The following KLF10 variants were observed in gnomAD, a reference collection of about 807,000 sequenced individuals.
KLF10 encodes KLF transcription factor 10.
In KLF10, 17 loss-of-function variants were observed where a neutral mutation model predicts 31.6. The observed-to-expected ratio is 0.54, with a 90% CI of 0.37 to 0.81. KLF10 has a LOEUF of 0.81. Among genes scored for constraint, KLF10 ranks in the 30% least tolerant of loss-of-function variants. The probability of loss-of-function intolerance (pLI) is 0.00; values close to 1 mark genes in which losing one functional copy is unlikely to be tolerated. For missense variants in KLF10, 525 were observed against 598.1 expected, an observed-to-expected ratio of 0.88 and a Z score of 1.27; for synonymous variants, 239 against 215.1, an observed-to-expected ratio of 1.11 and a Z score of -0.97.
At position 102,649,986 on chromosome 8, in the gene KLF10, C is replaced by A; in HGVS notation, c.*146G>T. 2 of 1,052,274 alleles carry A rather than the reference C, an allele frequency of 1.9e-6. No homozygotes were observed. Among genetic ancestry groups the A allele is most frequent in the Non-Finnish European group, 2.7e-6 (2 of 741,104 alleles). The allele number at this position is 1,052,274 out of a possible 1,614,324, so 65.2% of individuals were successfully genotyped here. On this transcript the variant is annotated 3_prime_UTR_variant, in exon 4 of 4. Transcript: ENST00000285407. ...GGCCGAAGCCCTTTTAGTCACCTAA[C>A]CCAGGCGGGGCCTTCGTGCCAGGCT...
At chr8:102,655,385 A>C (rs952068898) in intron 1 of KLF10, among the ~76,000 whole-genome samples, 181 bp downstream of exon 1, 10 of 151,538 alleles carry the variant, frequency 6.6e-5, no homozygotes, top group Non-Finnish European at 1.3e-4. Flanking sequence ...CCCCCTCCCG[A>C]ACACACACGC....
chr8:102,652,470 A>ATTTTTT, intron 1 of KLF10, 73 bp from the exon 2 acceptor site: 6 of 489,618 alleles, frequency 1.2e-5, no homozygotes, highest in Non-Finnish European at 2.1e-5. Context: ...AAATGAGCAA[A>ATTTTTT]TTTTTTTTTT....
rs188989095 is a variant in KLF10 at position 102,650,279 on chromosome 8, G to A, written c.1296C>T (p.Pro432=). 43 of 1,614,198 alleles carry A rather than the reference G, an allele frequency of 2.7e-5. No homozygotes were observed. Among genetic ancestry groups the A allele is most frequent in the Middle Eastern group, 1.6e-4 (1 of 6,062 alleles). Residue 432 remains proline (P), a synonymous_variant, in exon 4 of 4, where the codon CCC becomes CCT. Transcript: ENST00000285407. The part of the protein sequence containing the change: ...THTGEKKFAC[P]MCDRRFMRSD... ...TCCTCATGAACCGCCGGTCACACAT[G>A]GGGCACGCAAATTTCTTCTCACCCG...
chr8:102,653,896 GGC>G (rs996738425), intron 1 of KLF10: 3 of 977,860 alleles, frequency 3.1e-6, no homozygotes, highest in Admixed American at 6.2e-5. Context: ...GCAGACGAGG[GGC>G]GGGGGCGGAC....
intron 1 of KLF10, among the ~76,000 whole-genome samples, chr8:102,655,029 G>T (rs1459202246): frequency 2.6e-5 from 4 of 151,964 alleles, no homozygotes; most frequent in Non-Finnish European, 5.9e-5. Flanking sequence ...TCCAAGCGTG[G>T]GTTCAGACCC....
rs1332485270 is a variant in KLF10, at chr8:102,651,634, A to C, written c.698T>G (p.Val233Gly). 6.2e-7 allele frequency: 1 copy of C among 1,614,132 alleles called. No homozygotes were observed. The highest frequency in any genetic ancestry group is 1.3e-5 in the African/African-American group (1 of 74,940). Residue 233 changes from valine (V) to glycine (G), a missense_variant, in exon 3 of 4, where the codon GTG becomes GGG. By Grantham distance (109) the Val-to-Gly change is moderately radical (BLOSUM62 -3). Around this residue, in one of 3 missense-constraint regions of KLF10, gnomAD observed 434 missense variants for 450.7 expected, o/e 0.96. Transcript: ENST00000285407. ...KASAALYDFSVPSSETVICRS... is the reference protein window; with the variant it reads ...KASAALYDFSGPSSETVICRS... Reference sequence around the variant, plus strand: ...GCAGATGACCGTCTCTGAGGAAGGCACAGAAAAGTCATAAAGTGCAGCACT... The same window carrying C: ...GCAGATGACCGTCTCTGAGGAAGGCCCAGAAAAGTCATAAAGTGCAGCACT...
chr8:102,655,509 T>C (rs893324870), intron 1 of KLF10, 57 bp downstream of exon 1: 1 of 1,608,400 alleles, frequency 6.2e-7, no homozygotes, highest in Non-Finnish European at 8.5e-7. Flanking sequence ...CGCGCCCCCT[T>C]TGGCCCCCCA....
chr8:102,652,573 C>T (rs895668269), intron 1 of KLF10, among the ~76,000 whole-genome samples, 176 bp from the exon 2 acceptor site: 1 of 150,966 alleles, frequency 6.6e-6, no homozygotes, highest in Non-Finnish European at 1.5e-5. Context: ...TTCAGCTACA[C>T]TTGTTAGGTA....
chr8:102,655,336 C>T (rs1449085017), intron 1 of KLF10, among the ~76,000 whole-genome samples: 1 of 152,108 alleles, frequency 6.6e-6, no homozygotes, highest in African/African-American at 2.4e-5. Context: ...TAGAGCAAGA[C>T]CCCTGTCCCT....
In KLF10 at chr8:102,651,410, T is replaced by C. The variant is rs1363670673; in HGVS notation, c.922A>G (p.Met308Val). The C allele has an allele frequency of 3.1e-6, 5 of 1,612,316 alleles. No homozygotes were observed. The Admixed American group carries it at 6.7e-5, about 22-fold the overall frequency. ...GCGCCTTTGGGGACTTGTGTGCCCA[T>C]GAACACAACAGGGGGGCAAACGGCT... ...PPAVCPPVVF[M>V]GTQVPKGAVM... is the part of the protein sequence containing the mutation. Residue 308 changes from methionine to valine, a missense_variant, in exon 3 of 4, where the codon ATG becomes GTG. Coordinates refer to ENST00000285407, the MANE Select transcript of KLF10 (RefSeq NM_005655.4).
chr8:102,654,915 A>G (rs1446790593), intron 1 of KLF10, among the ~76,000 whole-genome samples: 2 of 151,318 alleles, frequency 1.3e-5, no homozygotes, highest in African/African-American at 4.9e-5. Flanking sequence ...TGGGGGAGCA[A>G]CTCGTCCCCC....
rs199944369 is a variant in KLF10 at position 102,652,362 on chromosome 8, T to C, written c.72A>G (p.Lys24=). Residue 24 remains lysine (K), a synonymous_variant, in exon 2 of 4, where the codon AAA becomes AAG. Transcript: ENST00000285407. Reference sequence around the variant, plus strand: ...TTTTGTTCCAGGAATACATACTCTCTTTTGGCCTTTCAGAAATCATTTCCA... The same window carrying C: ...TTTTGTTCCAGGAATACATACTCTCCTTTGGCCTTTCAGAAATCATTTCCA... ...ERMEMISERP[K]ESMYSWNKTA... 38 of 1,604,306 alleles carry C rather than the reference T, an allele frequency of 2.4e-5. No individual in the cohort carries two copies. Among genetic ancestry groups the C allele is most frequent in the Non-Finnish European group, 3.2e-5 (37 of 1,173,676 alleles).
chr8:102,653,854 G>C (rs575973212), intron 1 of KLF10: 2 of 969,462 alleles, frequency 2.1e-6, no homozygotes, highest in African/African-American at 1.7e-5. Context: ...AGGCAGGAAA[G>C]GGAAGCGCGG....
rs1387717367 is a variant in KLF10, at chr8:102,651,604, G to C, written c.728C>G (p.Ser243Cys). 1 of 1,614,084 alleles carries C rather than the reference G, an allele frequency of 6.2e-7. No individual in the cohort carries two copies. The highest frequency in any genetic ancestry group is 2.2e-5 in the East Asian group (1 of 44,900). Residue 243 changes from serine (S) to cysteine (C), a missense_variant, in exon 3 of 4, where the codon TCT (serine) becomes TGT (cysteine). Ser to Cys is a moderately radical substitution (Grantham distance 112). Around this residue, in one of 3 missense-constraint regions of KLF10, gnomAD observed 434 missense variants for 450.7 expected, o/e 0.96. Coordinates refer to ENST00000285407, the MANE Select transcript of KLF10 (RefSeq NM_005655.4). Reference protein sequence around the residue: ...VPSSETVICRSQPAPVSPQQK... With the variant: ...VPSSETVICRCQPAPVSPQQK... The stretch of plus-strand genomic sequence containing the variant: ...TTGTGGGGACACAGGGGCTGGCTGA[G>C]ACCTGCAGATGACCGTCTCTGAGGA...
chr8:102,651,076 C>T, intron 3 of KLF10, 73 bp downstream of exon 3: 2 of 1,339,638 alleles, frequency 1.5e-6, no homozygotes, highest in South Asian at 3.3e-5. Flanking sequence ...TCCTTATCAT[C>T]CTGGGTTTAA....
chr8:102,652,299 A>G lies in KLF10; in HGVS notation c.135T>C (p.Leu45=). The change falls in exon 2 of 4, where the codon CTT becomes CTC. Residue 45 remains leucine, a synonymous_variant. Coordinates refer to ENST00000285407, the MANE Select transcript of KLF10 (RefSeq NM_005655.4). ...EKSDFEAVEA[L]MSMSCSWKSD... ...ACTTCCAACTGCAGCTCATTGACAT[A>G]AGTGCTTCTACAGCTTCAAAATCAC... The G allele has an allele frequency of 6.2e-7, 1 of 1,613,386 alleles. No homozygotes were observed. The highest frequency in any genetic ancestry group is 8.5e-7 in the Non-Finnish European group (1 of 1,179,488).
In KLF10 at chr8:102,649,062, G is replaced by A. The variant is rs967542872; in HGVS notation, c.*1070C>T. 4 of 152,524 alleles carry A rather than the reference G, an allele frequency of 2.6e-5. No homozygotes were observed. Among genetic ancestry groups the A allele is most frequent in the Non-Finnish European group, 5.9e-5 (4 of 68,012 alleles). The allele number at this position is 152,524 out of a possible 1,614,324, so 9.4% of individuals were successfully genotyped here. The stretch of plus-strand genomic sequence containing the variant: ...TAAAAGAGAAATACTGTTAACAAAA[G>A]TGAATGTTCTAATAATTTTTCTACC... On this transcript the variant is annotated 3_prime_UTR_variant, in exon 4 of 4. Transcript: ENST00000285407.
At chr8:102,651,056 G>T in intron 3 of KLF10, 93 bp downstream of exon 3, 1 of 1,218,678 alleles carries the variant, frequency 8.2e-7, no homozygotes, top group Non-Finnish European at 1.1e-6. Flanking sequence ...ACTAGCTAAA[G>T]GCAAGTTATT....
chr8:102,653,802 C>T, intron 1 of KLF10: 1 of 1,051,392 alleles, frequency 9.5e-7, no homozygotes, highest in Non-Finnish European at 1.2e-6. Flanking sequence ...CTGGGAAGGA[C>T]AGGAAGGGAA....
Sources: allele counts gnomAD v4.1 joint callset (sites outside exome capture counted in the v4.1 genomes callset), GRCh38; gene constraint gnomAD v4.1.1; regional missense constraint gnomAD v4.1.1; transcripts MANE v1.5; gene names NCBI Gene and HGNC (gene_info 2026-07-23, HGNC 2026-07-21).